Variants in GSG1L observed in about 807,000 individuals in gnomAD.
GSG1L encodes GSG1 like.
Under a neutral mutation model 42.1 loss-of-function variants are expected in GSG1L, and 24 were observed. The observed-to-expected ratio is 0.57, with a 90% confidence interval of 0.41 to 0.80. The LOEUF (loss-of-function observed/expected upper bound fraction) is 0.80, where lower values mean the gene tolerates loss of function less well. GSG1L is among the 30% of genes least tolerant of loss of function. The pLI is 0.00. For synonymous variants in GSG1L, 215 were observed against 203.5 expected (o/e 1.06, Z -0.48); for missense variants, 445 against 472.2 (o/e 0.94, Z 0.53).
intron 1 of GSG1L, among the ~76,000 whole-genome samples, chr16:28,037,023 G>A (rs2086046984): frequency 6.6e-6 from 1 of 152,176 alleles, no homozygotes; most frequent in Non-Finnish European, 1.5e-5. Context: ...TGTTGTTGTT[G>A]TTTTGGTTTT....
At chr16:27,824,481 A>G (rs1596536712) in intron 5 of GSG1L, among the ~76,000 whole-genome samples, 1 of 151,798 alleles carries the variant, frequency 6.6e-6, no homozygotes, top group East Asian at 1.9e-4. Flanking sequence ...TCAGCCCTGC[A>G]TCTGAGCCAT....
chr16:27,830,862 A>T (rs2083267954), intron 4 of GSG1L, among the ~76,000 whole-genome samples: 1 of 152,222 alleles, frequency 6.6e-6, no homozygotes, highest in South Asian at 2.1e-4. Flanking sequence ...GGATTCCATG[A>T]GTAAGGAGTA....
chr16:27,929,441 G>A (rs987198499), intron 2 of GSG1L, among the ~76,000 whole-genome samples: 2 of 152,144 alleles, frequency 1.3e-5, no homozygotes, highest in African/African-American at 2.4e-5. Context: ...CAGCCGTAGG[G>A]CCTCTGTGGG....
At chr16:27,797,294 A>T (rs12445660) in intron 6 of GSG1L, among the ~76,000 whole-genome samples, 1 of 151,606 alleles carries the variant, frequency 6.6e-6, no homozygotes, top group African/African-American at 2.4e-5. Flanking sequence ...AGGCTGAGGC[A>T]GGTGGATTAC....
rs560410750 is a variant in GSG1L, at chr16:27,876,610, G to A, written c.550+7876C>T. ...CCTGGCACTGGTACCAGGCCCAGGG[G>A]AGTTGCACTGTGCCTGCTCACAACC... On this transcript the variant is annotated intron_variant, in intron 3 of 6. Transcript: ENST00000447459. Among the ~76,000 whole-genome samples the A allele has an allele frequency of 3.3e-5, 5 of 152,334 alleles. No homozygotes were observed. In the East Asian group the frequency reaches 9.6e-4, roughly 29 times the overall value.
chr16:27,937,222 C>T (rs947266902), intron 2 of GSG1L, among the ~76,000 whole-genome samples: 8 of 151,296 alleles, frequency 5.3e-5, no homozygotes, highest in East Asian at 1.9e-4. Flanking sequence ...GAGAAGCCAG[C>T]GGTCTTTCTC....
chr16:27,941,153 GAAC>G (rs1331611424), intron 2 of GSG1L, among the ~76,000 whole-genome samples: 4 of 151,920 alleles, frequency 2.6e-5, no homozygotes, highest in South Asian at 2.1e-4. Flanking sequence ...TAGATAAACT[GAAC>G]AACATCAAAA....
intron 3 of GSG1L, among the ~76,000 whole-genome samples, chr16:27,882,329 G>A (rs772491657): frequency 2.6e-5 from 4 of 152,148 alleles, no homozygotes; most frequent in Admixed American, 6.5e-5. Context: ...ACCCAGTCTC[G>A]GGTATGTCTT....
chr16:27,871,602 G>C (rs572825961), intron 3 of GSG1L, among the ~76,000 whole-genome samples: 1 of 152,268 alleles, frequency 6.6e-6, no homozygotes, highest in African/African-American at 2.4e-5. Context: ...GATTGTGCTG[G>C]TGTGCTCCAG....
chr16:27,936,590 T>G (rs1208982532), intron 2 of GSG1L, among the ~76,000 whole-genome samples: 1 of 152,188 alleles, frequency 6.6e-6, no homozygotes, highest in South Asian at 2.1e-4. Context: ...TGCAGAACCA[T>G]GAGCCAAATA....
chr16:27,828,108 C>G (rs1233032521), intron 5 of GSG1L, among the ~76,000 whole-genome samples: 1 of 152,092 alleles, frequency 6.6e-6, no homozygotes, highest in African/African-American at 2.4e-5. Flanking sequence ...CATCCACTCA[C>G]TCACCTATTG....
At chr16:27,859,186 T>C (rs942133161) in intron 3 of GSG1L, among the ~76,000 whole-genome samples, 1 of 152,148 alleles carries the variant, frequency 6.6e-6, no homozygotes, top group African/African-American at 2.4e-5. Context: ...TCCGTGTCTC[T>C]GCAGGCTCTT....
intron 5 of GSG1L, among the ~76,000 whole-genome samples, chr16:27,818,694 G>T (rs543110535): frequency 6.6e-6 from 1 of 152,070 alleles, no homozygotes; most frequent in South Asian, 2.1e-4. Context: ...AGGAATTTTG[G>T]GCAAATAAAT....
At chr16:27,986,345 C>T (rs942107540) in intron 1 of GSG1L, among the ~76,000 whole-genome samples, 6 of 151,866 alleles carry the variant, frequency 4.0e-5, no homozygotes, top group African/African-American at 1.2e-4. Flanking sequence ...ACTGAAAATA[C>T]AAAAATTAGC....
chr16:27,971,920 G>A, intron 1 of GSG1L, among the ~76,000 whole-genome samples: 1 of 152,158 alleles, frequency 6.6e-6, no homozygotes, highest in Admixed American at 6.5e-5. Context: ...TTCAAGACAA[G>A]CAAAGTGAGG....
At chr16:27,888,478 CTTTCCTT>C (rs2084069201) in intron 2 of GSG1L, among the ~76,000 whole-genome samples, 5 of 24,746 alleles carry the variant, frequency 2.0e-4, no homozygotes, top group African/African-American at 4.0e-4. Flanking sequence ...CTCTCTCTCT[CTTTCCTT>C]TCTTTCTTTC....
At chr16:27,819,055 C>T (rs1305685937) in intron 5 of GSG1L, among the ~76,000 whole-genome samples, 3 of 152,098 alleles carry the variant, frequency 2.0e-5, no homozygotes, top group African/African-American at 7.2e-5. Flanking sequence ...CAAGACCAGC[C>T]TGACCAACAA....
intron 3 of GSG1L, among the ~76,000 whole-genome samples, chr16:27,851,814 C>T (rs12445740): frequency 0.13 from 19,895 of 152,134 alleles, 1,590 homozygotes; most frequent in East Asian, 0.29. Context: ...ACAGGAATGC[C>T]AACCCGAGAT....
In GSG1L at chr16:27,865,560, TATATATATATATACAC is replaced by T. The variant is rs1394559591; in HGVS notation, c.550+18910_550+18925del. 6.5e-3 allele frequency among the ~76,000 whole-genome samples: 176 copies of T among 27,286 alleles called. 15 individuals carry two copies. In the East Asian group the frequency reaches 0.089, roughly 14 times the overall value. 17.9% of individuals were successfully genotyped at this position (27,286 alleles called of 152,430 possible). On this transcript the variant is annotated intron_variant, in intron 3 of 6. Coordinates refer to ENST00000447459, the MANE Select transcript of GSG1L (RefSeq NM_001109763.2). ...ATATATATATATATATATATATATA[TATATATATATATACAC>T]ACACACATACATACATACACACACA... is the stretch of plus-strand genomic sequence containing the variant.
Sources: gnomAD v4.1 joint callset for allele counts (sites outside exome capture counted in the v4.1 genomes callset) on GRCh38, gnomAD v4.1.1 for gene constraint, MANE v1.5 for transcripts, NCBI Gene and HGNC (gene_info 2026-07-23, HGNC 2026-07-21) for gene names.